MMP16: variants seen among roughly 807,000 people sequenced by gnomAD.
MMP16 encodes matrix metalloproteinase-16.
In MMP16, 12 loss-of-function variants were observed where a neutral mutation model predicts 67.8. The observed-to-expected ratio is 0.18, with a 90% CI of 0.11 to 0.29. The LOEUF (loss-of-function observed/expected upper bound fraction) is 0.29. Among genes scored for constraint, MMP16 ranks in the 10% least tolerant of loss-of-function variants. MMP16 has a pLI of 1.00. For missense variants in MMP16, 475 were observed against 765.7 expected (o/e 0.62, Z 4.48); for synonymous variants, 249 against 255.9 (o/e 0.97, Z 0.26).
chr8:88,063,863 A>G (rs549247044), intron 7 of MMP16, among the ~76,000 whole-genome samples: 38 of 152,132 alleles, frequency 2.5e-4, no homozygotes, highest in African/African-American at 8.7e-4. Context: ...TTTTAATGGG[A>G]GTGTTTATCA....
At chr8:88,262,340 T>A (rs1810400082) in intron 1 of MMP16, among the ~76,000 whole-genome samples, 1 of 152,212 alleles carries the variant, frequency 6.6e-6, no homozygotes, top group Non-Finnish European at 1.5e-5. Flanking sequence ...TTTGATTTGA[T>A]TCTCAAGATT....
intron 6 of MMP16, among the ~76,000 whole-genome samples, chr8:88,087,904 A>T (rs1020149367): frequency 2.6e-5 from 4 of 151,388 alleles, no homozygotes; most frequent in Non-Finnish European, 5.9e-5. Context: ...TGATTGTGGT[A>T]CTGCGCTACA....
Position 88,074,664 on chromosome 8 carries a change from A to G in MMP16, c.1163T>C (p.Leu388Ser). The change falls in exon 7 of 10, where the codon TTG (leucine) becomes TCG (serine). Residue 388 changes from leucine (L) to serine (S), a missense_variant. Transcript: ENST00000286614. ...PMQITYFWRG[L>S]PPSIDAVYEN... ...ATAAACTGCATCGATACTAGGAGGCAAGCCCCGCCAGAAGTAAGTAATTTG... is the reference window on the plus strand; with the variant it reads ...ATAAACTGCATCGATACTAGGAGGCGAGCCCCGCCAGAAGTAAGTAATTTG... The G allele has an allele frequency of 6.2e-7, 1 of 1,613,792 alleles. No individual in the cohort carries two copies. The highest frequency in any genetic ancestry group is 1.1e-5 in the South Asian group (1 of 91,076).
At chr8:88,252,142 G>A (rs908749935) in intron 1 of MMP16, among the ~76,000 whole-genome samples, 1 of 145,900 alleles carries the variant, frequency 6.9e-6, no homozygotes, top group African/African-American at 2.6e-5. Flanking sequence ...TCCCATTACT[G>A]GGTATATACC....
At chr8:88,136,246 A>C (rs1340224634) in intron 4 of MMP16, among the ~76,000 whole-genome samples, 1 of 151,896 alleles carries the variant, frequency 6.6e-6, no homozygotes, top group African/African-American at 2.4e-5. Context: ...GGAGCCTGGA[A>C]AACTCCAGTT....
intron 1 of MMP16, among the ~76,000 whole-genome samples, chr8:88,266,331 G>T (rs1810476315): frequency 1.2e-5 from 1 of 84,106 alleles, no homozygotes; most frequent in Non-Finnish European, 2.6e-5. Context: ...CCTTATTAGT[G>T]AGTATGCTAT....
chr8:88,327,130 A>C lies in MMP16; in HGVS notation c.77T>G (p.Leu26Trp), dbSNP rs912293325. Residue 26 changes from leucine to tryptophan, a missense_variant, in exon 1 of 10, where the codon TTG becomes TGG. Around this residue, in one of 5 missense-constraint regions of MMP16, gnomAD observed 170 missense variants for 239.6 expected, o/e 0.71. Coordinates refer to ENST00000286614, the MANE Select transcript of MMP16 (RefSeq NM_005941.5). The stretch of plus-strand genomic sequence containing the variant: ...GACTGTAGCACATAAAATCCAAAGC[A>C]AGGTTTGCAAGAAAAACACCCCCGA... ...HHSGVFFLQTLLWILCATVCG... is the reference protein window; with the variant it reads ...HHSGVFFLQTWLWILCATVCG... 1.9e-6 allele frequency: 3 copies of C among 1,613,982 alleles called. No individual in the cohort carries two copies. The African/African-American group carries it at 4.0e-5, about 22-fold the overall frequency.
intron 1 of MMP16, among the ~76,000 whole-genome samples, chr8:88,307,967 T>A (rs890615096): frequency 2.6e-5 from 4 of 152,026 alleles, no homozygotes; most frequent in Admixed American, 2.0e-4. Flanking sequence ...TAACTCCATA[T>A]CTCAGAAAGC....
At chr8:88,147,776 T>TC (rs1297569976) in intron 4 of MMP16, among the ~76,000 whole-genome samples, 4 of 137,126 alleles carry the variant, frequency 2.9e-5, no homozygotes, top group African/African-American at 7.6e-5. Flanking sequence ...AAAATATGTG[T>TC]TTGTGTGTGT....
intron 9 of MMP16, among the ~76,000 whole-genome samples, chr8:88,042,625 T>A (rs1808147829): frequency 6.6e-6 from 1 of 152,236 alleles, no homozygotes; most frequent in Admixed American, 6.5e-5. Flanking sequence ...TCTACAATTC[T>A]ATTTTTAATA....
At chr8:88,208,904 G>A (rs999654305) in intron 1 of MMP16, among the ~76,000 whole-genome samples, 3 of 150,876 alleles carry the variant, frequency 2.0e-5, no homozygotes, top group Middle Eastern at 3.2e-3. Flanking sequence ...AGAAATTCAA[G>A]AGCTGATGGA....
At chr8:88,269,848 A>T (rs1810537961) in intron 1 of MMP16, among the ~76,000 whole-genome samples, 1 of 152,216 alleles carries the variant, frequency 6.6e-6, no homozygotes, top group African/African-American at 2.4e-5. Context: ...TTCAAAGAAA[A>T]ACCAGACAAA....
intron 1 of MMP16, among the ~76,000 whole-genome samples, chr8:88,203,093 T>C (rs192144898): frequency 7.1e-6 from 1 of 140,046 alleles, no homozygotes; most frequent in African/African-American, 2.6e-5. Context: ...AGGTACAAAA[T>C]ACCAGAACTT....
intron 3 of MMP16, among the ~76,000 whole-genome samples, chr8:88,177,205 T>C (rs1808907161): frequency 6.6e-6 from 1 of 152,244 alleles, no homozygotes; most frequent in South Asian, 2.1e-4. Context: ...CACATGTGTG[T>C]ATATATTTCG....
At chr8:88,096,012 G>A (rs937681104) in intron 6 of MMP16, among the ~76,000 whole-genome samples, 1 of 151,908 alleles carries the variant, frequency 6.6e-6, no homozygotes, top group African/African-American at 2.4e-5. Flanking sequence ...AAAAAGTAGT[G>A]ACAATGTTGT....
intron 1 of MMP16, among the ~76,000 whole-genome samples, chr8:88,240,614 A>C (rs1464280): frequency 0.97 from 147,198 of 152,260 alleles, 71,369 homozygotes; most frequent in East Asian, 1. Flanking sequence ...AAACTGATGA[A>C]TTTTCTATGT....
intron 1 of MMP16, among the ~76,000 whole-genome samples, chr8:88,209,499 T>C (rs1809480540): frequency 6.6e-6 from 1 of 152,158 alleles, no homozygotes; most frequent in African/African-American, 2.4e-5. Flanking sequence ...AGGAGGCTAT[T>C]GGTAGTTAGT....
intron 4 of MMP16, among the ~76,000 whole-genome samples, chr8:88,132,246 G>C (rs1050858637): frequency 2.6e-5 from 4 of 151,836 alleles, no homozygotes; most frequent in African/African-American, 9.7e-5. Flanking sequence ...CCCTTGGAAA[G>C]ACTCTTTAAA....
intron 1 of MMP16, among the ~76,000 whole-genome samples, chr8:88,249,617 C>T (rs1810174134): frequency 6.6e-6 from 1 of 152,066 alleles, no homozygotes; most frequent in Admixed American, 6.6e-5. Flanking sequence ...TGTTGACAAG[C>T]CTGAGAATGC....
Sources: gnomAD v4.1 joint callset for allele counts (sites outside exome capture counted in the v4.1 genomes callset) on GRCh38, gnomAD v4.1.1 for gene constraint, gnomAD v4.1.1 regional missense constraint, MANE v1.5 for transcripts, NCBI Gene and HGNC (gene_info 2026-07-23, HGNC 2026-07-21) for gene names.